Variants in PCDHA7 observed in about 807,000 individuals in gnomAD.
The protein encoded by PCDHA7 is protocadherin alpha-7.
In PCDHA7, 37 loss-of-function variants were observed where a neutral mutation model predicts 57.2. The observed-to-expected ratio is 0.65, with a 90% CI of 0.50 to 0.85. The LOEUF is 0.85. PCDHA7 is among the 40% of genes least tolerant of loss of function. PCDHA7 has a pLI of 0.00. For synonymous variants in PCDHA7, 553 were observed against 558.8 expected (o/e 0.99, Z 0.15); for missense variants, 1,188 against 1,241.8 (o/e 0.96, Z 0.65).
At chr5:140,844,453 C>T (rs1452241460) in intron 1 of PCDHA7, among the ~76,000 whole-genome samples, 5 of 148,746 alleles carry the variant, frequency 3.4e-5, no homozygotes, top group Non-Finnish European at 7.5e-5. Context: ...TGTATTGTCG[C>T]CAACTTAACA....
At chr5:140,983,171 C>T (rs1371766725) in intron 3 of PCDHA7, among the ~76,000 whole-genome samples, 2 of 152,136 alleles carry the variant, frequency 1.3e-5, no homozygotes, top group Non-Finnish European at 2.9e-5. Flanking sequence ...AACATGACCG[C>T]CTCACAATTT....
intron 1 of PCDHA7, among the ~76,000 whole-genome samples, chr5:140,923,629 G>A (rs1350871926): frequency 6.6e-6 from 1 of 152,138 alleles, no homozygotes; most frequent in Non-Finnish European, 1.5e-5. Flanking sequence ...TTATCCAAAA[G>A]GCAAAAATCT....
intron 1 of PCDHA7, among the ~76,000 whole-genome samples, chr5:140,939,155 G>C (rs1279259680): frequency 6.6e-6 from 1 of 152,196 alleles, no homozygotes; most frequent in Non-Finnish European, 1.5e-5. Flanking sequence ...GGTCCTGGCA[G>C]ATTTGTGTCT....
intron 1 of PCDHA7, chr5:140,866,442 T>C (rs2049360062): frequency 6.6e-6 from 1 of 151,872 alleles, no homozygotes; most frequent in Non-Finnish European, 1.5e-5. Flanking sequence ...TCTTCTTCAG[T>C]CTTATTGTTG....
chr5:141,009,011 T>C (rs1461112133), intron 3 of PCDHA7, among the ~76,000 whole-genome samples: 1 of 152,256 alleles, frequency 6.6e-6, no homozygotes, highest in East Asian at 1.9e-4. Context: ...ATATTTTGCC[T>C]TTAGGCTCTG....
chr5:140,873,286 A>C (rs1337353218), intron 1 of PCDHA7, among the ~76,000 whole-genome samples: 3 of 152,246 alleles, frequency 2.0e-5, no homozygotes, highest in African/African-American at 7.2e-5. Flanking sequence ...ACCACTTATG[A>C]AACTTTATAA....
Position 140,968,423 on chromosome 5 carries a change from G to A in PCDHA7, c.2356-10526G>A, listed in dbSNP as rs782235507. The A allele has an allele frequency of 1.9e-6, 3 of 1,614,028 alleles. No homozygotes were observed. The South Asian group carries it at 3.3e-5, about 18-fold the overall frequency. On this transcript the variant is annotated intron_variant, in intron 1 of 3. Transcript: ENST00000525929. ...GTTCTTTGTGACTGTGGAGGCTCAG[G>A]ACAAGGGGAGCCCACCACTGAGCAG...
intron 1 of PCDHA7, chr5:140,870,983 C>A: frequency 6.2e-7 from 1 of 1,613,520 alleles, no homozygotes; most frequent in South Asian, 1.1e-5. Context: ...GGGCTGTACA[C>A]GGGCGAGATA....
chr5:140,849,503 T>A lies in PCDHA7; in HGVS notation c.2355+12765T>A, dbSNP rs2150439338. The A allele has an allele frequency of 1.9e-6, 3 of 1,596,058 alleles. No homozygotes were observed. In the East Asian group the frequency reaches 6.7e-5, roughly 36 times the overall value. On this transcript the variant is annotated intron_variant, in intron 1 of 3. Transcript: ENST00000525929. ...CACCCCTGGCTGGTCATTGTACACT[T>A]CTTGTGGAAGTTGTGGATGTAAATG...
intron 1 of PCDHA7, chr5:140,842,671 C>A: frequency 1.9e-6 from 3 of 1,595,454 alleles, no homozygotes; most frequent in Non-Finnish European, 2.6e-6. Flanking sequence ...ACGTGAACGA[C>A]AATGCTCCGG....
At chr5:140,997,636 A>G (rs2097777002) in intron 3 of PCDHA7, among the ~76,000 whole-genome samples, 2 of 151,964 alleles carry the variant, frequency 1.3e-5, no homozygotes, top group African/African-American at 4.8e-5. Flanking sequence ...AAAAAGCAAA[A>G]TGGGATAATG....
chr5:140,868,379 T>C (rs1554161939), intron 1 of PCDHA7: 1 of 152,086 alleles, frequency 6.6e-6, no homozygotes, highest in Non-Finnish European at 1.5e-5. Context: ...CAGTAAAGAA[T>C]GAGAACTATA....
In PCDHA7 at chr5:140,885,198, T is replaced by A. The variant is rs531029212; in HGVS notation, c.2355+48460T>A. On this transcript the variant is annotated intron_variant, in intron 1 of 3. Coordinates refer to ENST00000525929, the MANE Select transcript of PCDHA7 (RefSeq NM_018910.3). ...TAGGCACATCAGTGTTCCCCTCTCATATATCCCATGAAAAATATCTTGTGA... is the reference window on the plus strand; with the variant it reads ...TAGGCACATCAGTGTTCCCCTCTCAAATATCCCATGAAAAATATCTTGTGA... Among the ~76,000 whole-genome samples the A allele has an allele frequency of 5.9e-5, 9 of 152,276 alleles. No homozygotes were observed. In the South Asian group the frequency reaches 1.7e-3, roughly 28 times the overall value.
intron 1 of PCDHA7, among the ~76,000 whole-genome samples, chr5:140,934,475 A>G (rs1554209923): frequency 6.6e-6 from 1 of 152,172 alleles, no homozygotes; most frequent in African/African-American, 2.4e-5. Context: ...ATTATTTTGA[A>G]AATTATATTC....
intron 1 of PCDHA7, chr5:140,926,553 A>T: frequency 4.3e-6 from 1 of 233,838 alleles, no homozygotes; most frequent in East Asian, 9.1e-5. Context: ...TCGAGACCCC[A>T]GCCCGCTGCT....
In PCDHA7 at chr5:140,835,660, C is replaced by T. The variant is rs1773814607; in HGVS notation, c.1277C>T (p.Thr426Ile). 8 of 1,613,932 alleles carry T rather than the reference C, an allele frequency of 5.0e-6. No homozygotes were observed. Among genetic ancestry groups the T allele is most frequent in the Middle Eastern group, 1.7e-4 (1 of 6,060 alleles). ...ESVSAYELVV[T>I]ARDGGSPSLW... ...GTGTCCGCCTATGAGCTGGTGGTTA[C>T]CGCGCGGGACGGGGGCTCGCCTTCT... Residue 426 changes from threonine (T) to isoleucine (I), a missense_variant, in exon 1 of 4, where the codon ACC (threonine) becomes ATC (isoleucine). Thr to Ile is a moderately conservative substitution (Grantham distance 89, BLOSUM62 -1). Transcript: ENST00000525929.
chr5:140,990,825 AAGCCTATTAGCAAAAATAG>A (rs2097418390), intron 3 of PCDHA7, among the ~76,000 whole-genome samples: 1 of 152,202 alleles, frequency 6.6e-6, no homozygotes, highest in Non-Finnish European at 1.5e-5. Flanking sequence ...CTCTCAGCTA[AAGCCTATTAGCAAAAATAG>A]AGCCCTGAGG....
In PCDHA7 at chr5:140,943,486, T is replaced by C. The variant is rs573341102; in HGVS notation, c.2356-35463T>C. Among the ~76,000 whole-genome samples the C allele has an allele frequency of 2.6e-5, 4 of 152,178 alleles. No homozygotes were observed. The South Asian group carries it at 8.3e-4, about 32-fold the overall frequency. Reference sequence around the variant, plus strand: ...GTGGGAGATACAGTAAAATAATAAATAGATGCTATCAAGGTTCATGGAAAT... The same window carrying C: ...GTGGGAGATACAGTAAAATAATAAACAGATGCTATCAAGGTTCATGGAAAT... On this transcript the variant is annotated intron_variant, in intron 1 of 3. Coordinates refer to ENST00000525929, the MANE Select transcript of PCDHA7 (RefSeq NM_018910.3).
intron 1 of PCDHA7, chr5:140,841,904 G>A (rs2150325203): frequency 1.9e-6 from 3 of 1,613,860 alleles, no homozygotes; most frequent in Non-Finnish European, 2.5e-6. Flanking sequence ...GGTTGAGCTC[G>A]TATTAAGAAA....
Sources: gnomAD v4.1 joint callset for allele counts (sites outside exome capture counted in the v4.1 genomes callset) on GRCh38, gnomAD v4.1.1 for gene constraint, MANE v1.5 for transcripts, NCBI Gene and HGNC (gene_info 2026-07-23, HGNC 2026-07-21) for gene names.